THBS3: variants seen among roughly 807,000 people sequenced by gnomAD.
THBS3 encodes the protein thrombospondin-3.
In THBS3, 78 loss-of-function variants were observed where a neutral mutation model predicts 118.3. The ratio of observed to expected loss-of-function variants is 0.66; its 90% CI spans 0.55 to 0.80. The LOEUF (loss-of-function observed/expected upper bound fraction) is 0.80, where lower values mean the gene tolerates loss of function less well. Among genes scored for constraint, THBS3 ranks in the 30% least tolerant of loss-of-function variants. The pLI, the probability that THBS3 is intolerant of heterozygous loss-of-function variation, is 0.00. For synonymous variants in THBS3, 427 were observed against 475.3 expected, an observed-to-expected ratio of 0.90 and a Z score of 1.32; for missense variants, 1,057 against 1,247.4, an observed-to-expected ratio of 0.85 and a Z score of 2.30.
Position 155,197,913 on chromosome 1 carries a change from G to C in THBS3, c.2269C>G (p.Gln757Glu). The change falls in exon 19 of 23, where the codon CAG becomes GAG. Residue 757 changes from glutamine to glutamate, a missense_variant. Physicochemically the swap from Gln to Glu is conservative, Grantham distance 29. Around this residue, in one of 3 missense-constraint regions of THBS3, gnomAD observed 307 missense variants for 326.1 expected, o/e 0.94. Coordinates refer to ENST00000368378, the MANE Select transcript of THBS3 (RefSeq NM_007112.5). The surrounding 1 kb of genome is among the most constrained non-coding windows in gnomAD (Gnocchi z 5.0). ...AAGCCAGGGTCACTGTTCATGGTCT[G>C]AACGATTTCCATGCCCTGGGGTTGT... ...VVLNQGMEIV[Q>E]TMNSDPGLAV... The C allele has an allele frequency of 6.2e-7, 1 of 1,614,062 alleles. No homozygotes were observed. Among genetic ancestry groups the C allele is most frequent in the Non-Finnish European group, 8.5e-7 (1 of 1,180,018 alleles).
In THBS3 at chr1:155,198,526, C is replaced by T. The variant is rs531021661; in HGVS notation, c.1957G>A (p.Asp653Asn). The T allele has an allele frequency of 1.2e-5, 19 of 1,614,122 alleles. No homozygotes were observed. Among genetic ancestry groups the T allele is most frequent in the Non-Finnish European group, 1.6e-5 (19 of 1,180,050 alleles). The part of the protein sequence containing the change: ...PNSSQLDSDN[D>N]GLGDECDGDD... ...CCATCACACTCATCTCCAAGTCCAT[C>T]GTTATCAGAGTCCAGCTGGGAGCTA... The change falls in exon 17 of 23, where the codon GAT becomes AAT. Residue 653 changes from aspartate (D) to asparagine (N), a missense_variant. By Grantham distance (23) the Asp-to-Asn change is conservative. Transcript: ENST00000368378.
intron 2 of THBS3, 156 bp from the exon 3 acceptor site, chr1:155,205,472 A>G: frequency 9.2e-7 from 1 of 1,089,636 alleles, no homozygotes; most frequent in Admixed American, 2.8e-5. Context: ...GGTACACAAT[A>G]AATGTTTTTG....
Position 155,206,679 on chromosome 1 carries a change from G to T in THBS3, c.80-273C>A, listed in dbSNP as rs546248186. On this transcript the variant is annotated intron_variant, in intron 1 of 22. Coordinates refer to ENST00000368378, the MANE Select transcript of THBS3 (RefSeq NM_007112.5). This position sits in a 1 kb window ranked among gnomAD's most constrained non-coding sequence, Gnocchi z 4.2. The stretch of plus-strand genomic sequence containing the variant: ...AAAATACAAAAACAACAACAAAAAA[G>T]AAAAAAAAACCACCTAGCCGGGCGT... 1.3e-5 allele frequency among the ~76,000 whole-genome samples: 2 copies of T among 149,904 alleles called. No homozygotes were observed. The highest frequency in any genetic ancestry group is 4.9e-5 in the African/African-American group (2 of 40,902).
chr1:155,197,615 C>T lies in THBS3; in HGVS notation c.2347G>A (p.Val783Met), dbSNP rs767606120. The T allele has an allele frequency of 3.1e-6, 5 of 1,604,584 alleles. No homozygotes were observed. The South Asian group carries it at 5.5e-5, about 18-fold the overall frequency. ...NGVDFEGTFH[V>M]NTVTDDDYAG... ...TAGTCATCATCAGTCACTGTGTTCA[C>T]ATGGAAGGTGCCTTCAAAGTCCACA... Residue 783 changes from valine to methionine, a missense_variant, in exon 20 of 23, where the codon GTG (valine) becomes ATG (methionine). Around this residue, in one of 3 missense-constraint regions of THBS3, gnomAD observed 307 missense variants for 326.1 expected, o/e 0.94. Transcript: ENST00000368378. The surrounding 1 kb of genome is among the most constrained non-coding windows in gnomAD (Gnocchi z 5.0).
chr1:155,205,731 T>C (rs1298013007), intron 2 of THBS3, among the ~76,000 whole-genome samples: 2 of 152,166 alleles, frequency 1.3e-5, no homozygotes, highest in Non-Finnish European at 2.9e-5. Context: ...TGAGCTGAGA[T>C]TGTACCACTG....
chr1:155,201,003 T>C lies in THBS3; in HGVS notation c.1442A>G (p.Asp481Gly), dbSNP rs1316172422. 1 of 1,614,190 alleles carries C rather than the reference T, an allele frequency of 6.2e-7. No individual in the cohort carries two copies. The highest frequency in any genetic ancestry group is 1.7e-5 in the Admixed American group (1 of 60,030). The stretch of plus-strand genomic sequence containing the variant: ...AGAGTTGGGTGTCAAAAGGCAGTTG[T>C]CCTAAAGTTCAGGGGAAGAGGATGG... ...CMDNNKHCKQ[D>G]NCLLTPNSGQ... The change falls in exon 13 of 23, where the codon GAC becomes GGC. Residue 481 changes from aspartate to glycine, a missense_variant and splice_region_variant. This residue lies in a region of THBS3 where 544 missense variants were observed against 715.6 expected (regional missense o/e 0.76). Transcript: ENST00000368378.
At chr1:155,204,674 T>C in intron 4 of THBS3, 181 bp downstream of exon 4, 1 of 625,170 alleles carries the variant, frequency 1.6e-6, no homozygotes. Context: ...ACTTTTTTTC[T>C]CGGATGGGTG....
At chr1:155,207,380 G>C (rs756683660) in intron 1 of THBS3, among the ~76,000 whole-genome samples, 1 of 152,136 alleles carries the variant, frequency 6.6e-6, no homozygotes, top group South Asian at 2.1e-4. Flanking sequence ...CCAGACCTCC[G>C]GGAGAGCCCA....
chr1:155,200,717 G>A (rs1669569675), intron 13 of THBS3, 107 bp from the exon 14 acceptor site: 1 of 1,558,162 alleles, frequency 6.4e-7, no homozygotes, highest in South Asian at 1.2e-5. Flanking sequence ...CCTTGTGATG[G>A]ACAAACTGCT....
At chr1:155,201,067 G>T (rs368160778) in intron 12 of THBS3, 27 bp downstream of exon 12, 52 of 1,614,022 alleles carry the variant, frequency 3.2e-5, no homozygotes, top group Non-Finnish European at 4.4e-5. Flanking sequence ...TCCCCACTAC[G>T]CCCCCTTGCC....
chr1:155,203,819 G>A (rs1195161046), intron 4 of THBS3, among the ~76,000 whole-genome samples: 1 of 152,048 alleles, frequency 6.6e-6, no homozygotes, highest in African/African-American at 2.4e-5. Flanking sequence ...CCAAAGCAGG[G>A]CCAGGGCCCC....
intron 16 of THBS3, 92 bp from the exon 17 acceptor site, chr1:155,198,694 CCATA>C: frequency 3.0e-6 from 4 of 1,333,726 alleles, no homozygotes; most frequent in Non-Finnish European, 4.2e-6. Context: ...AGCCTGCTCT[CCATA>C]CAATCAGACC....
intron 7 of THBS3, 43 bp downstream of exon 7, chr1:155,203,043 A>G: frequency 6.2e-7 from 1 of 1,613,858 alleles, no homozygotes; most frequent in South Asian, 1.1e-5. Flanking sequence ...TGGGTGGGGA[A>G]CGTGGCACGG....
At position 155,200,938 on chromosome 1, in the gene THBS3, A is replaced by C; in HGVS notation, c.1507T>G (p.Cys503Gly). The change falls in exon 13 of 23, where the codon TGT becomes GGT. Residue 503 changes from cysteine (C) to glycine (G), a missense_variant. By Grantham distance (159) the Cys-to-Gly change is radical (BLOSUM62 -3). This residue lies in a region of THBS3 where 544 missense variants were observed against 715.6 expected (regional missense o/e 0.76). Transcript: ENST00000368378. ...DADNDGVGDQCDDDADGDGIK... is the reference protein window; with the variant it reads ...DADNDGVGDQGDDDADGDGIK... ...CCATCCCCATCAGCATCATCATCAC[A>C]CTGGTCCCCCACACCATCATTATCA... 2 of 1,614,006 alleles carry C rather than the reference A, an allele frequency of 1.2e-6. No individual in the cohort carries two copies. The highest frequency in any genetic ancestry group is 2.2e-5 in the South Asian group (2 of 91,074).
At position 155,199,862 on chromosome 1, in the gene THBS3, A is replaced by G. The variant is rs748682502; in HGVS notation, c.1828-6T>C. The G allele has an allele frequency of 1.2e-6, 2 of 1,614,222 alleles. No homozygotes were observed. The highest frequency in any genetic ancestry group is 2.7e-5 in the African/African-American group (2 of 75,054). On this transcript the variant is annotated splice_region_variant and splice_polypyrimidine_tract_variant and intron_variant, in intron 15 of 22. Coordinates refer to ENST00000368378, the MANE Select transcript of THBS3 (RefSeq NM_007112.5). ...AGGTCGCTGTCTGCATCTGTCTGAG[A>G]GAGAGGGACCTGTTCTCACCATCTC...
intron 16 of THBS3, 69 bp from the exon 17 acceptor site, chr1:155,198,671 T>C: frequency 6.7e-7 from 1 of 1,484,998 alleles, no homozygotes; most frequent in Non-Finnish European, 9.2e-7. Context: ...CGCTTCTGCC[T>C]GGGAGTCTCT....
chr1:155,206,272 G>A lies in THBS3; in HGVS notation c.214C>T (p.Leu72Phe). Residue 72 changes from leucine (L) to phenylalanine (F), a missense_variant, in exon 2 of 23, where the codon CTC (leucine) becomes TTC (phenylalanine). By Grantham distance (22) the Leu-to-Phe change is conservative (BLOSUM62 0). This residue lies in a region of THBS3 where 206 missense variants were observed against 205.7 expected (regional missense o/e 1.00). Coordinates refer to ENST00000368378, the MANE Select transcript of THBS3 (RefSeq NM_007112.5). This position sits in a 1 kb window ranked among gnomAD's most constrained non-coding sequence, Gnocchi z 4.2. ...TCTTGGCGAGAATAGAGGCCAAAGA[G>A]GACACCACCCTGCTTGGGGGGCAGG... ...FRLPPKQGGV[L>F]FGLYSRQDNT... 1 of 1,614,170 alleles carries A rather than the reference G, an allele frequency of 6.2e-7. No individual in the cohort carries two copies. Among genetic ancestry groups the A allele is most frequent in the Non-Finnish European group, 8.5e-7 (1 of 1,180,032 alleles).
At position 155,205,270 on chromosome 1, in the gene THBS3, G is replaced by T; in HGVS notation, c.333C>A (p.Asn111Lys). ...CATCAGCCAGGCCCGCTTGCTGTAG[G>T]TTCACGGCGTGGACTTTGCCATCCT... The part of the protein sequence containing the change: ...QREDGKVHAV[N>K]LQQAGLADGR... Residue 111 changes from asparagine (N) to lysine (K), a missense_variant, in exon 3 of 23, where the codon AAC becomes AAA. Physicochemically the swap from Asn to Lys is moderately conservative, Grantham distance 94 (BLOSUM62 0). Around this residue, in one of 3 missense-constraint regions of THBS3, gnomAD observed 206 missense variants for 205.7 expected, o/e 1.00. Coordinates refer to ENST00000368378, the MANE Select transcript of THBS3 (RefSeq NM_007112.5). 3 of 1,614,116 alleles carry T rather than the reference G, an allele frequency of 1.9e-6. No homozygotes were observed. Among genetic ancestry groups the T allele is most frequent in the Non-Finnish European group, 8.5e-7 (1 of 1,180,038 alleles).
chr1:155,198,699 C>G, intron 16 of THBS3, 97 bp from the exon 17 acceptor site: 5 of 1,250,176 alleles, frequency 4.0e-6, no homozygotes, highest in Non-Finnish European at 5.6e-6. Flanking sequence ...GCTCTCCATA[C>G]AATCAGACCC....
Sources: allele counts gnomAD v4.1 joint callset (sites outside exome capture counted in the v4.1 genomes callset), GRCh38; gene constraint gnomAD v4.1.1; regional missense constraint gnomAD v4.1.1; non-coding constraint Gnocchi (gnomAD v3.1); transcripts MANE v1.5; gene names NCBI Gene and HGNC (gene_info 2026-07-23, HGNC 2026-07-21).